SLC11A2: variants seen among roughly 807,000 people sequenced by gnomAD.
SLC11A2 encodes the protein natural resistance-associated macrophage protein 2.
In SLC11A2, 38 loss-of-function variants were observed where a neutral mutation model predicts 68.0. The observed-to-expected ratio is 0.56, with a 90% CI of 0.43 to 0.73. SLC11A2 has a LOEUF of 0.73. Ranked by LOEUF, SLC11A2 falls within the 30% of genes least tolerant of loss-of-function variation. The pLI is 0.00. For missense variants in SLC11A2, 517 were observed against 690.5 expected (o/e 0.75, Z 2.82); for synonymous variants, 242 against 250.6 (o/e 0.97, Z 0.32).
chr12:50,974,165 G>T, the SLC11A2 span, among the ~76,000 whole-genome samples: 1 of 152,088 alleles, frequency 6.6e-6, no homozygotes, highest in South Asian at 2.1e-4. Context: ...CTCGAGAAGA[G>T]CAACTCCAAG....
At chr12:50,973,803 T>A in the SLC11A2 span, among the ~76,000 whole-genome samples, 1 of 152,204 alleles carries the variant, frequency 6.6e-6, no homozygotes, top group Non-Finnish European at 1.5e-5. Flanking sequence ...AAGGACCTGA[T>A]GGAGCTGAAA....
intron 1 of SLC11A2, among the ~76,000 whole-genome samples, chr12:51,015,992 C>T (rs1943618783): frequency 6.6e-6 from 1 of 151,772 alleles, no homozygotes. Context: ...ACCGTGTTGG[C>T]CAGGATGGTC....
At chr12:50,985,098 T>C (rs1940419545), downstream of SLC11A2, among the ~76,000 whole-genome samples, 1 of 152,184 alleles carries the variant, frequency 6.6e-6, no homozygotes. Flanking sequence ...AATACAACTG[T>C]TCAGGCCAGG....
At chr12:51,026,064 G>A in intron 1 of SLC11A2, 2 of 1,093,908 alleles carry the variant, frequency 1.8e-6, no homozygotes, top group Non-Finnish European at 2.2e-6. Flanking sequence ...CGAGACCCCC[G>A]CGACCTCCGG....
intron 1 of SLC11A2, among the ~76,000 whole-genome samples, chr12:51,011,923 G>C (rs1237531126): frequency 6.6e-6 from 1 of 152,064 alleles, no homozygotes; most frequent in Non-Finnish European, 1.5e-5. Context: ...TGTAATTTAA[G>C]CTCATGGTTC....
At chr12:51,001,409 G>T (rs1321502246) in intron 5 of SLC11A2, among the ~76,000 whole-genome samples, 1 of 152,020 alleles carries the variant, frequency 6.6e-6, no homozygotes, top group Non-Finnish European at 1.5e-5. Flanking sequence ...GAAGGAGAGA[G>T]AGAAGCAGAA....
At chr12:50,991,067 G>T in intron 14 of SLC11A2, 119 bp from the exon 15 acceptor site, 1 of 897,040 alleles carries the variant, frequency 1.1e-6, no homozygotes, top group Non-Finnish European at 1.8e-6. Flanking sequence ...TTCTTAATTT[G>T]AAAAAAAATG....
chr12:51,009,419 A>C, intron 2 of SLC11A2: 1 of 605,770 alleles, frequency 1.7e-6, no homozygotes, highest in Non-Finnish European at 2.3e-6. Context: ...TGCCAGAAAT[A>C]CACAGAGCCT....
chr12:50,980,569 GA>G (rs35292682), downstream of SLC11A2: 22,396 of 150,542 alleles, frequency 0.15, 1,876 homozygotes, highest in South Asian at 0.27. Context: ...GAAGGTGGGT[GA>G]AAAAAAAAAT....
chr12:51,028,453 A>T (rs1944470246), upstream of SLC11A2: 1 of 438,686 alleles, frequency 2.3e-6, no homozygotes, highest in Non-Finnish European at 4.0e-6. Context: ...CCACTCCTAG[A>T]TATTAATTAA....
intron 10 of SLC11A2, chr12:50,994,920 A>C: frequency 4.9e-6 from 2 of 408,096 alleles, no homozygotes; most frequent in Non-Finnish European, 4.6e-6. Flanking sequence ...GCTCTGAAGA[A>C]GGCTTCAGAC....
At chr12:50,964,853 C>G in the SLC11A2 span, among the ~76,000 whole-genome samples, 3 of 152,214 alleles carry the variant, frequency 2.0e-5, no homozygotes, top group Non-Finnish European at 4.4e-5. Context: ...AATAGGCAAA[C>G]TAAATGGGGA....
chr12:50,979,943 G>C (rs1258348035), downstream of SLC11A2: 1 of 454,074 alleles, frequency 2.2e-6, no homozygotes, highest in East Asian at 6.9e-5. Context: ...AATGAGGAGT[G>C]AGCTGGATGC....
intron 10 of SLC11A2, chr12:50,995,040 G>A: frequency 7.2e-6 from 2 of 276,382 alleles, no homozygotes; most frequent in Non-Finnish European, 1.4e-5. Context: ...GCCAGGCACA[G>A]GAGCTCACGC....
upstream of SLC11A2, chr12:51,028,165 T>A (rs748888129): frequency 2.6e-6 from 4 of 1,525,104 alleles, no homozygotes; most frequent in South Asian, 3.6e-5. Context: ...GCAGCTTCCC[T>A]GGGCTACTTA....
chr12:50,970,299 C>A, the SLC11A2 span: 1 of 643,802 alleles, frequency 1.6e-6, no homozygotes, highest in East Asian at 2.9e-5. Context: ...TTGTATGATC[C>A]AAACCAAAAA....
At chr12:50,956,334 G>T in the SLC11A2 span, among the ~76,000 whole-genome samples, 2 of 152,192 alleles carry the variant, frequency 1.3e-5, no homozygotes, top group African/African-American at 4.8e-5. Context: ...GGAGGTTGCA[G>T]TGAGCCAAGA....
At chr12:50,999,306 G>GAGC (rs1566003611) in intron 7 of SLC11A2, 39 bp downstream of exon 7, 1 of 1,606,970 alleles carries the variant, frequency 6.2e-7, no homozygotes, top group South Asian at 1.1e-5. Flanking sequence ...ACATGACAGA[G>GAGC]AGCAGCTCCT....
At chr12:51,028,129 T>A, upstream of SLC11A2, 1 of 1,262,996 alleles carries the variant, frequency 7.9e-7, no homozygotes, top group East Asian at 2.5e-5. Context: ...GCTGTACTTG[T>A]CACCCTTTCA....
Sources: gnomAD v4.1 joint callset for allele counts (sites outside exome capture counted in the v4.1 genomes callset) on GRCh38, gnomAD v4.1.1 for gene constraint, MANE v1.5 for transcripts, NCBI Gene and HGNC (gene_info 2026-07-23, HGNC 2026-07-21) for gene names.